PGBD2: variants seen among roughly 807,000 people sequenced by gnomAD.
PGBD2 encodes the protein piggyBac transposable element derived 2.
A neutral mutation model predicts 8.1 loss-of-function variants in PGBD2; 6 were observed. The ratio of observed to expected loss-of-function variants is 0.74; its 90% CI spans 0.40 to 1.46. The LOEUF is 1.46. Ranked by LOEUF, PGBD2 falls within the 40% of genes most tolerant of loss-of-function variation. The probability of loss-of-function intolerance (pLI) is 0.02; values close to 1 mark genes in which losing one functional copy is unlikely to be tolerated. For synonymous variants in PGBD2, 318 were observed against 272.2 expected, an observed-to-expected ratio of 1.17 and a Z score of -1.66; for missense variants, 802 against 739.0, an observed-to-expected ratio of 1.09 and a Z score of -0.99.
intron 1 of PGBD2, among the ~76,000 whole-genome samples, chr1:248,906,765 G>A (rs1337101841): frequency 6.6e-6 from 1 of 152,002 alleles, no homozygotes. Flanking sequence ...GCCGGGGCGC[G>A]CTGGGGGCGG....
At chr1:248,891,939 T>C in the PGBD2 span, among the ~76,000 whole-genome samples, 1 of 152,236 alleles carries the variant, frequency 6.6e-6, no homozygotes, top group African/African-American at 2.4e-5. Context: ...CTAAGCTCTT[T>C]ATGAAGTCTT....
the PGBD2 span, among the ~76,000 whole-genome samples, chr1:248,925,253 A>G: frequency 1.3e-5 from 2 of 152,338 alleles, no homozygotes; most frequent in East Asian, 3.9e-4. Context: ...GACACTTGAT[A>G]GTTCAGAAGC....
chr1:248,873,265 G>A, the PGBD2 span, among the ~76,000 whole-genome samples: 1 of 152,124 alleles, frequency 6.6e-6, no homozygotes, highest in South Asian at 2.1e-4. Context: ...CTGTGTAAAC[G>A]CAGCCTGACT....
chr1:248,886,930 G>C, the PGBD2 span, among the ~76,000 whole-genome samples: 2 of 152,162 alleles, frequency 1.3e-5, no homozygotes, highest in Non-Finnish European at 2.9e-5. Context: ...TCTCAAGGGG[G>C]TAAAACTCTG....
downstream of PGBD2, among the ~76,000 whole-genome samples, chr1:248,921,743 G>T (rs1289210028): frequency 6.6e-6 from 1 of 152,148 alleles, no homozygotes; most frequent in Non-Finnish European, 1.5e-5. Flanking sequence ...CCATTTTCAC[G>T]ATATTGATTC....
downstream of PGBD2, among the ~76,000 whole-genome samples, chr1:248,923,982 G>A (rs1333895276): frequency 6.6e-6 from 1 of 152,216 alleles, no homozygotes; most frequent in Non-Finnish European, 1.5e-5. Context: ...ACACCAGAGA[G>A]TTTTAAAAAG....
chr1:248,874,417 T>C, the PGBD2 span, among the ~76,000 whole-genome samples: 4 of 152,226 alleles, frequency 2.6e-5, no homozygotes, highest in Admixed American at 6.5e-5. Context: ...AAAACGCACC[T>C]GGTGTCCTCA....
chr1:248,902,921 A>C (rs1028741015), upstream of PGBD2, among the ~76,000 whole-genome samples: 1 of 152,116 alleles, frequency 6.6e-6, no homozygotes, highest in African/African-American at 2.4e-5. Flanking sequence ...CTTAATACCT[A>C]GGTGATGGGT....
the PGBD2 span, among the ~76,000 whole-genome samples, chr1:248,887,907 T>C: frequency 6.6e-6 from 1 of 152,158 alleles, no homozygotes; most frequent in Non-Finnish European, 1.5e-5. Flanking sequence ...CTTGCTCCTC[T>C]CCCTCTCTGC....
the PGBD2 span, among the ~76,000 whole-genome samples, chr1:248,929,209 G>GT: frequency 2.2e-4 from 33 of 151,668 alleles, no homozygotes; most frequent in Middle Eastern, 3.4e-3. Context: ...GTTTCTGTCT[G>GT]TTTTTTTTCA....
intron 1 of PGBD2, among the ~76,000 whole-genome samples, chr1:248,909,268 G>C (rs967050179): frequency 6.6e-6 from 1 of 152,198 alleles, no homozygotes; most frequent in Non-Finnish European, 1.5e-5. Flanking sequence ...CTGAAAGGTA[G>C]AATGGGTTTT....
intron 2 of PGBD2, among the ~76,000 whole-genome samples, chr1:248,915,630 G>A (rs188114748): frequency 4.6e-5 from 7 of 152,328 alleles, no homozygotes; most frequent in African/African-American, 1.4e-4. Flanking sequence ...AGGAGCACCT[G>A]TATCACTCAC....
rs781105756 is a variant in PGBD2, at chr1:248,918,297, C to T, written c.1713C>T (p.Asn571=). 120 of 1,598,594 alleles carry T rather than the reference C, an allele frequency of 7.5e-5. No homozygotes were observed. The African/African-American group carries it at 1.0e-3, about 14-fold the overall frequency. The part of the protein sequence containing the change: ...TRCALCHSQT[N]TRCEKCQKGV... ...GTGCCCTCTGCCACTCACAGACCAA[C>T]ACCCGGTGTGAGAAGTGCCAGAAGG... Residue 571 remains asparagine, a synonymous_variant, in exon 3 of 3, where the codon AAC becomes AAT. Coordinates refer to ENST00000329291, the MANE Select transcript of PGBD2 (RefSeq NM_170725.3).
upstream of PGBD2, among the ~76,000 whole-genome samples, chr1:248,904,460 A>G (rs1221645811): frequency 6.6e-6 from 1 of 152,134 alleles, no homozygotes; most frequent in Non-Finnish European, 1.5e-5. Flanking sequence ...CGATCTTTTT[A>G]TTAACTTTAA....
intron 1 of PGBD2, among the ~76,000 whole-genome samples, chr1:248,910,712 C>T (rs571628761): frequency 6.6e-6 from 1 of 152,206 alleles, no homozygotes; most frequent in Non-Finnish European, 1.5e-5. Flanking sequence ...TGGAGCCCCA[C>T]AGACATCACA....
At chr1:248,875,159 G>A in the PGBD2 span, among the ~76,000 whole-genome samples, 1 of 151,994 alleles carries the variant, frequency 6.6e-6, no homozygotes, top group African/African-American at 2.4e-5. Flanking sequence ...AGCTGAGCGT[G>A]GTGGCAGGTG....
At chr1:248,892,302 T>C in the PGBD2 span, among the ~76,000 whole-genome samples, 1 of 133,422 alleles carries the variant, frequency 7.5e-6, no homozygotes, top group African/African-American at 2.8e-5. Flanking sequence ...TTCCTTCCCT[T>C]CCTTCCTTCT....
the PGBD2 span, among the ~76,000 whole-genome samples, chr1:248,888,158 C>T: frequency 6.6e-6 from 1 of 152,286 alleles, no homozygotes; most frequent in Admixed American, 6.5e-5. Context: ...ATGCAATCCA[C>T]CGTGGATGGT....
rs1017479335 is a variant in PGBD2 at position 248,918,473 on chromosome 1, C to G, written c.*110C>G. The G allele has an allele frequency of 4.7e-5, 52 of 1,110,854 alleles. No individual in the cohort carries two copies. Among genetic ancestry groups the G allele is most frequent in the Non-Finnish European group, 6.4e-5 (51 of 798,734 alleles). The allele number at this position is 1,110,854 out of a possible 1,614,324, so 68.8% of individuals were successfully genotyped here. ...GAAAAAAGACCTGAATTTCTAATGA[C>G]TTGATTTTCTATTTTCTCCCTACCC... is the stretch of plus-strand genomic sequence containing the variant. On this transcript the variant is annotated 3_prime_UTR_variant, in exon 3 of 3. Coordinates refer to ENST00000329291, the MANE Select transcript of PGBD2 (RefSeq NM_170725.3).
Sources: allele counts gnomAD v4.1 joint callset (sites outside exome capture counted in the v4.1 genomes callset), GRCh38; gene constraint gnomAD v4.1.1; transcripts MANE v1.5; gene names NCBI Gene and HGNC (gene_info 2026-07-23, HGNC 2026-07-21).